ELF1: variants seen among roughly 807,000 people sequenced by gnomAD.
ELF1 encodes ETS-related transcription factor Elf-1.
A neutral mutation model predicts 59.9 loss-of-function variants in ELF1; 24 were observed. The observed-to-expected ratio is 0.40, with a 90% CI of 0.29 to 0.56. ELF1 has a LOEUF of 0.56. Ranked by LOEUF, ELF1 falls within the 20% of genes least tolerant of loss-of-function variation. ELF1 has a pLI of 0.44. For synonymous variants in ELF1, 248 were observed against 266.2 expected, an observed-to-expected ratio of 0.93 and a Z score of 0.67; for missense variants, 627 against 742.2, an observed-to-expected ratio of 0.84 and a Z score of 1.80.
At position 40,941,236 on chromosome 13, in the gene ELF1, G is replaced by A. The variant is rs774343467; in HGVS notation, c.941C>T (p.Ser314Leu). 5 of 1,614,030 alleles carry A rather than the reference G, an allele frequency of 3.1e-6. No individual in the cohort carries two copies. The highest frequency in any genetic ancestry group is 3.3e-5 in the Admixed American group (2 of 60,000). Residue 314 changes from serine to leucine, a missense_variant, in exon 8 of 9, where the codon TCG becomes TTG. Coordinates refer to ENST00000239882, the MANE Select transcript of ELF1 (RefSeq NM_172373.4). ...ATTTGAAGTGGCTGATGAAGATAGCGATGGATCTGAAGACTCTATGCTGGA... is the reference window on the plus strand; with the variant it reads ...ATTTGAAGTGGCTGATGAAGATAGCAATGGATCTGAAGACTCTATGCTGGA... ...PSSSIESSDPSLSSSATSNRN... is the reference protein window; with the variant it reads ...PSSSIESSDPLLSSSATSNRN...
chr13:41,024,029 AC>A (rs1347501945), upstream of ELF1, among the ~76,000 whole-genome samples: 2 of 152,248 alleles, frequency 1.3e-5, no homozygotes, highest in Non-Finnish European at 2.9e-5. Flanking sequence ...ATTAAAAATA[AC>A]CAAGAATTGA....
intron 8 of ELF1, among the ~76,000 whole-genome samples, chr13:40,934,716 G>A (rs940395783): frequency 1.2e-4 from 18 of 152,026 alleles, no homozygotes; most frequent in African/African-American, 2.2e-4. Flanking sequence ...CACTGTGCCC[G>A]GCCTGCTATT....
intron 8 of ELF1, among the ~76,000 whole-genome samples, chr13:40,934,391 A>G (rs1463542877): frequency 6.7e-6 from 1 of 150,196 alleles, no homozygotes; most frequent in African/African-American, 2.4e-5. Flanking sequence ...GGAATTTAAA[A>G]GCAAATCTGT....
chr13:40,934,093 C>T, intron 8 of ELF1, 65 bp from the exon 9 acceptor site: 3 of 1,525,144 alleles, frequency 2.0e-6, no homozygotes, highest in Non-Finnish European at 2.6e-6. Flanking sequence ...AACTTTAACA[C>T]TTGACAAGTC....
chr13:41,046,001 GCTC>G (rs1226800980), intron 1 of ELF1, among the ~76,000 whole-genome samples: 4 of 152,168 alleles, frequency 2.6e-5, no homozygotes, highest in African/African-American at 9.7e-5. Flanking sequence ...AGGATAGTTA[GCTC>G]TTCTTGTTGA....
chr13:40,986,065 C>T (rs1321591082), intron 1 of ELF1, among the ~76,000 whole-genome samples: 1 of 152,134 alleles, frequency 6.6e-6, no homozygotes, highest in Non-Finnish European at 1.5e-5. Context: ...GGGTGAGGAC[C>T]ATATTCTTAT....
At chr13:41,003,642 G>C (rs1874587045) in intron 1 of ELF1, among the ~76,000 whole-genome samples, 1 of 152,106 alleles carries the variant, frequency 6.6e-6, no homozygotes, top group Non-Finnish European at 1.5e-5. Flanking sequence ...ATAATACAGG[G>C]AGAAGCAAAA....
intron 8 of ELF1, among the ~76,000 whole-genome samples, chr13:40,936,169 T>C (rs1228123729): frequency 1.3e-5 from 2 of 152,048 alleles, no homozygotes; most frequent in African/African-American, 4.8e-5. Context: ...GGTGACCAGT[T>C]AGAGAAGAAG....
intron 1 of ELF1, among the ~76,000 whole-genome samples, chr13:40,993,981 G>A (rs1874008884): frequency 6.6e-6 from 1 of 151,554 alleles, no homozygotes; most frequent in African/African-American, 2.4e-5. Context: ...CTTGATCAAG[G>A]TCACCTTAGC....
At chr13:41,020,615 T>A (rs1167479405), upstream of ELF1, among the ~76,000 whole-genome samples, 1 of 152,234 alleles carries the variant, frequency 6.6e-6, no homozygotes, top group African/African-American at 2.4e-5. Flanking sequence ...ATAATCTCCA[T>A]GGTTTTACAA....
At chr13:41,000,245 T>C in intron 1 of ELF1, among the ~76,000 whole-genome samples, 2 of 87,078 alleles carry the variant, frequency 2.3e-5, no homozygotes, top group Admixed American at 1.0e-4. Context: ...GGCTTTTTTT[T>C]TTTTTTTTTT....
intron 7 of ELF1, among the ~76,000 whole-genome samples, chr13:40,942,399 A>G (rs1204310534): frequency 6.6e-6 from 1 of 152,246 alleles, no homozygotes; most frequent in East Asian, 1.9e-4. Flanking sequence ...AAACGAACTA[A>G]AAGTGAGCTT....
chr13:40,964,609 AC>A (rs1872063944), intron 2 of ELF1, among the ~76,000 whole-genome samples: 1 of 151,974 alleles, frequency 6.6e-6, no homozygotes, highest in Non-Finnish European at 1.5e-5. Flanking sequence ...ATCTCAGCTC[AC>A]CATAACCTCT....
Position 40,935,554 on chromosome 13 carries a change from C to T in ELF1, c.1257-1526G>A, listed in dbSNP as rs539789300. On this transcript the variant is annotated intron_variant, in intron 8 of 8. Coordinates refer to ENST00000239882, the MANE Select transcript of ELF1 (RefSeq NM_172373.4). Reference sequence around the variant, plus strand: ...ACAGGATGACTAGAGCCCGCCCATTCACGCAGGATACAGATTACCAAACTT... The same window carrying T: ...ACAGGATGACTAGAGCCCGCCCATTTACGCAGGATACAGATTACCAAACTT... 2.3e-4 allele frequency among the ~76,000 whole-genome samples: 35 copies of T among 152,310 alleles called. No homozygotes were observed. The East Asian group carries it at 6.2e-3, about 27-fold the overall frequency.
At chr13:40,964,523 T>TG (rs397718948) in intron 2 of ELF1, among the ~76,000 whole-genome samples, 14 of 151,180 alleles carry the variant, frequency 9.3e-5, no homozygotes, top group Non-Finnish European at 1.6e-4. Flanking sequence ...CGACTTTTTT[T>TG]AATTGAGACA....
intron 8 of ELF1, among the ~76,000 whole-genome samples, chr13:40,937,875 T>G (rs1441500356): frequency 1.3e-5 from 2 of 152,088 alleles, no homozygotes; most frequent in African/African-American, 4.8e-5. Flanking sequence ...AGTGCAGTGA[T>G]GCAATCTTGG....
chr13:40,993,592 C>T (rs1162132592), intron 1 of ELF1, among the ~76,000 whole-genome samples: 1 of 152,142 alleles, frequency 6.6e-6, no homozygotes, highest in Non-Finnish European at 1.5e-5. Context: ...GTGATCCTCC[C>T]GCTTCAGCCT....
chr13:41,060,586 G>A (rs1877505763), intron 1 of ELF1, among the ~76,000 whole-genome samples: 1 of 152,194 alleles, frequency 6.6e-6, no homozygotes. Flanking sequence ...GGCTCCAAAA[G>A]CCGCAGCCCA....
At chr13:41,040,321 A>C (rs1876554716) in intron 1 of ELF1, among the ~76,000 whole-genome samples, 1 of 152,246 alleles carries the variant, frequency 6.6e-6, no homozygotes, top group Non-Finnish European at 1.5e-5. Flanking sequence ...TGTCTAAATA[A>C]AATGGTACAG....
Sources: allele counts gnomAD v4.1 joint callset (sites outside exome capture counted in the v4.1 genomes callset), GRCh38; gene constraint gnomAD v4.1.1; transcripts MANE v1.5; gene names NCBI Gene and HGNC (gene_info 2026-07-23, HGNC 2026-07-21).